ERBB4: variants seen among roughly 807,000 people sequenced by gnomAD.
The protein encoded by ERBB4 is receptor tyrosine-protein kinase erbB-4.
In ERBB4, 42 loss-of-function variants were observed where a neutral mutation model predicts 158.0. The ratio of observed to expected loss-of-function variants is 0.27; its 90% CI spans 0.21 to 0.34. The LOEUF is 0.34. Ranked by LOEUF, ERBB4 falls within the 10% of genes least tolerant of loss-of-function variation. The probability of loss-of-function intolerance (pLI) is 1.00; values close to 1 mark genes in which losing one functional copy is unlikely to be tolerated. For missense variants in ERBB4, 1,333 were observed against 1,624.1 expected, an observed-to-expected ratio of 0.82 and a Z score of 3.08; for synonymous variants, 583 against 558.7, an observed-to-expected ratio of 1.04 and a Z score of -0.61.
At chr2:211,973,705 A>G (rs1421167277) in intron 2 of ERBB4, among the ~76,000 whole-genome samples, 1 of 152,186 alleles carries the variant, frequency 6.6e-6, no homozygotes, top group Non-Finnish European at 1.5e-5. Flanking sequence ...CAGAAATACC[A>G]TTCAACCCAG....
intron 20 of ERBB4, chr2:211,535,584 A>AGT (rs772405205): frequency 8.3e-5 from 12 of 144,554 alleles, no homozygotes; most frequent in African/African-American, 3.4e-4. Flanking sequence ...AGAGAGAGAG[A>AGT]GTGTATGTGT....
intron 1 of ERBB4, among the ~76,000 whole-genome samples, chr2:212,291,700 T>G (rs1166642178): frequency 6.6e-6 from 1 of 151,822 alleles, no homozygotes; most frequent in Non-Finnish European, 1.5e-5. Context: ...ATTTTTGGGG[T>G]TTTTCTGAGT....
chr2:212,261,857 CTG>C (rs1263765471), intron 1 of ERBB4, among the ~76,000 whole-genome samples: 5 of 152,014 alleles, frequency 3.3e-5, no homozygotes, highest in African/African-American at 7.2e-5. Flanking sequence ...AAAATGCACT[CTG>C]TTTTTATGGG....
At chr2:212,261,005 C>T (rs1214508442) in intron 1 of ERBB4, among the ~76,000 whole-genome samples, 1 of 152,044 alleles carries the variant, frequency 6.6e-6, no homozygotes, top group Non-Finnish European at 1.5e-5. Context: ...ACAGTGGACT[C>T]GATCTGGACC....
At chr2:212,142,710 A>G (rs1366879866) in intron 1 of ERBB4, among the ~76,000 whole-genome samples, 1 of 151,384 alleles carries the variant, frequency 6.6e-6, no homozygotes, top group Non-Finnish European at 1.5e-5. Context: ...TTAGAGACAG[A>G]AATGGAATGA....
intron 1 of ERBB4, among the ~76,000 whole-genome samples, chr2:212,350,351 C>T (rs1460948620): frequency 3.3e-5 from 5 of 152,092 alleles, no homozygotes; most frequent in African/African-American, 7.2e-5. Context: ...AGGAAAAATA[C>T]GAGGTTTTCC....
intron 3 of ERBB4, among the ~76,000 whole-genome samples, chr2:211,888,701 G>T (rs984062042): frequency 4.6e-5 from 7 of 152,036 alleles, no homozygotes; most frequent in African/African-American, 1.7e-4. Flanking sequence ...CGCACCGTGC[G>T]CGAGCCGAAG....
intron 2 of ERBB4, among the ~76,000 whole-genome samples, chr2:212,030,475 G>A (rs555358030): frequency 4.8e-4 from 73 of 152,216 alleles, no homozygotes; most frequent in African/African-American, 1.7e-3. Context: ...AAGAGACAAT[G>A]TTGTCTTAGT....
chr2:211,897,762 TAGAC>T (rs1350998802), intron 3 of ERBB4, among the ~76,000 whole-genome samples: 1 of 152,086 alleles, frequency 6.6e-6, no homozygotes, highest in East Asian at 1.9e-4. Context: ...CTTTTGTTTT[TAGAC>T]AGGGTGTCAT....
At chr2:211,771,210 C>T (rs1003457318) in intron 4 of ERBB4, among the ~76,000 whole-genome samples, 1 of 152,214 alleles carries the variant, frequency 6.6e-6, no homozygotes, top group African/African-American at 2.4e-5. Flanking sequence ...GATTGGAAAC[C>T]TTAATCTAGT....
intron 1 of ERBB4, among the ~76,000 whole-genome samples, chr2:212,420,499 G>A (rs976375815): frequency 6.6e-6 from 1 of 152,112 alleles, no homozygotes; most frequent in Non-Finnish European, 1.5e-5. Context: ...AGTCATGCAT[G>A]TATTTTAATT....
At chr2:211,854,177 A>G (rs1388066584) in intron 3 of ERBB4, among the ~76,000 whole-genome samples, 1 of 152,124 alleles carries the variant, frequency 6.6e-6, no homozygotes, top group South Asian at 2.1e-4. Context: ...TTCAGAAAAT[A>G]TAGAGATGAT....
intron 20 of ERBB4, among the ~76,000 whole-genome samples, chr2:211,469,379 G>C (rs923941921): frequency 6.6e-6 from 1 of 152,102 alleles, no homozygotes; most frequent in Non-Finnish European, 1.5e-5. Flanking sequence ...CTTTCCAGCA[G>C]GAAAGTTTTC....
At chr2:212,086,224 A>C (rs924590549) in intron 2 of ERBB4, among the ~76,000 whole-genome samples, 11 of 152,084 alleles carry the variant, frequency 7.2e-5, no homozygotes, top group African/African-American at 2.6e-4. Flanking sequence ...GTGGGCCAGA[A>C]AAGCAAATAA....
intron 1 of ERBB4, among the ~76,000 whole-genome samples, chr2:212,535,287 G>A (rs953500902): frequency 2.6e-5 from 4 of 151,884 alleles, no homozygotes; most frequent in African/African-American, 9.7e-5. Context: ...ACATTGTACC[G>A]ATAGATGTGC....
intron 3 of ERBB4, among the ~76,000 whole-genome samples, chr2:211,847,210 G>C (rs2077611579): frequency 6.6e-6 from 1 of 152,034 alleles, no homozygotes; most frequent in South Asian, 2.1e-4. Flanking sequence ...ATGAGTTTGT[G>C]CAAATAAAAA....
At chr2:211,812,389 C>A (rs1216375455) in intron 3 of ERBB4, among the ~76,000 whole-genome samples, 1 of 152,202 alleles carries the variant, frequency 6.6e-6, no homozygotes, top group Non-Finnish European at 1.5e-5. Context: ...GCAAATATTG[C>A]TGCCTGATTC....
Position 212,281,396 on chromosome 2 carries a change from A to G in ERBB4, c.83-156493T>C, listed in dbSNP as rs2085754493. Among the ~76,000 whole-genome samples, 5 of 151,804 alleles carry G rather than the reference A, an allele frequency of 3.3e-5. No homozygotes were observed. In the Admixed American group the frequency reaches 3.3e-4, roughly 10 times the overall value. ...AGATGTAAAATCCTACAAGACTAAG[A>G]CTTCTAAACAAATGCCATCCCCAGT... On this transcript the variant is annotated intron_variant, in intron 1 of 27. Transcript: ENST00000342788.
At chr2:212,466,709 T>G (rs1688852704) in intron 1 of ERBB4, among the ~76,000 whole-genome samples, 1 of 152,206 alleles carries the variant, frequency 6.6e-6, no homozygotes, top group Admixed American at 6.5e-5. Flanking sequence ...AATGGACTAA[T>G]GCAGTACATT....
Sources: allele counts gnomAD v4.1 joint callset (sites outside exome capture counted in the v4.1 genomes callset), GRCh38; gene constraint gnomAD v4.1.1; transcripts MANE v1.5; gene names NCBI Gene and HGNC (gene_info 2026-07-23, HGNC 2026-07-21).